The following TCTN3 variants were observed in gnomAD, a reference collection of about 807,000 sequenced individuals.
TCTN3 encodes tectonic family member 3, also known as tectonic-3.
Under a neutral mutation model 71.3 loss-of-function variants are expected in TCTN3, and 57 were observed. That is an observed-to-expected ratio of 0.80 (90% CI 0.65 to 1.00). The LOEUF (loss-of-function observed/expected upper bound fraction) is 1.00, where lower values mean the gene tolerates loss of function less well. TCTN3 is among the 50% of genes least tolerant of loss of function. The probability of loss-of-function intolerance (pLI) is 0.00; values close to 1 mark genes in which losing one functional copy is unlikely to be tolerated. For synonymous variants in TCTN3, 258 were observed against 267.8 expected (o/e 0.96, Z 0.36); for missense variants, 696 against 719.9 (o/e 0.97, Z 0.38).
chr10:95,688,397 G>GAAAAAAAAAAAAAAAA lies in TCTN3; in HGVS notation c.500-694_500-679dup, dbSNP rs60722894. Among the ~76,000 whole-genome samples, 518 of 104,478 alleles carry GAAAAAAAAAAAAAAAA rather than the reference G, an allele frequency of 5.0e-3. 2 individuals carry two copies. Among genetic ancestry groups the GAAAAAAAAAAAAAAAA allele is most frequent in the East Asian group, 7.3e-3 (25 of 3,418 alleles). The allele number at this position is 104,478 out of a possible 152,430, so 68.5% of individuals were successfully genotyped here. The stretch of plus-strand genomic sequence containing the variant: ...AAGAGCGAAACTCTGTCAAAAAAAA[G>GAAAAAAAAAAAAAAAA]AAAAAAAAAAAAAAAAAAAAAGAAA... On this transcript the variant is annotated intron_variant, in intron 3 of 13. Coordinates refer to ENST00000371217, the MANE Select transcript of TCTN3 (RefSeq NM_015631.6).
intron 11 of TCTN3, 109 bp from the exon 12 acceptor site, chr10:95,682,913 G>A: frequency 7.0e-7 from 1 of 1,421,140 alleles, no homozygotes; most frequent in Admixed American, 2.2e-5. Flanking sequence ...ATAGACCAGA[G>A]GGTATAATCC....
In TCTN3 at chr10:95,680,486, AC is replaced by A. The variant is rs2097941818; in HGVS notation, c.1575del (p.Gln525HisfsTer16). On this transcript the variant is annotated frameshift_variant, in exon 13 of 14. Transcript: ENST00000371217. LOFTEE classifies it high-confidence loss of function. ...CCATGACTTACCTGTATAGACTGGC[AC>A]TGGTATAGGAATCGAACTCCTGATA... ...AHVSGVRFLY[Q>X]CQSIQDSQQV... 6.2e-7 allele frequency: 1 copy of A among 1,613,892 alleles called. No individual in the cohort carries two copies. The highest frequency in any genetic ancestry group is 1.3e-5 in the African/African-American group (1 of 74,920).
rs1457348275 is a variant in TCTN3, at chr10:95,683,250, G to A, written c.1204-55C>T. The A allele has an allele frequency of 6.4e-6, 10 of 1,558,968 alleles. No homozygotes were observed. The East Asian group carries it at 2.2e-4, about 35-fold the overall frequency. On this transcript the variant is annotated intron_variant, in intron 10 of 13. Coordinates refer to ENST00000371217, the MANE Select transcript of TCTN3 (RefSeq NM_015631.6). ...TCATAACAGAAAAAAAAAGGAGGCA[G>A]CATTGCAAAATTTATGTTCTCATTC... is the stretch of plus-strand genomic sequence containing the variant.
chr10:95,685,510 GTTGA>G (rs1339987344), intron 8 of TCTN3, 42 bp downstream of exon 8: 4 of 1,462,486 alleles, frequency 2.7e-6, no homozygotes, highest in South Asian at 1.2e-5. Context: ...CTCTGGCAGT[GTTGA>G]TTAACACACA....
At chr10:95,668,770 C>T (rs1384750611) in intron 13 of TCTN3, among the ~76,000 whole-genome samples, 1 of 152,248 alleles carries the variant, frequency 6.6e-6, no homozygotes, top group African/African-American at 2.4e-5. Context: ...GATGGCAGTA[C>T]AAGAAAGTCC....
At chr10:95,670,002 T>C (rs2097929306) in intron 13 of TCTN3, among the ~76,000 whole-genome samples, 1 of 136,586 alleles carries the variant, frequency 7.3e-6, no homozygotes, top group South Asian at 2.3e-4. Flanking sequence ...GGGCGGAGCC[T>C]GCAGTGAGCC....
rs1251156561 is a variant in TCTN3 at position 95,686,497 on chromosome 10, C to G, written c.886G>C (p.Glu296Gln). The G allele has an allele frequency of 6.2e-7, 1 of 1,613,976 alleles. No homozygotes were observed. Among genetic ancestry groups the G allele is most frequent in the African/African-American group, 1.3e-5 (1 of 74,916 alleles). ...TTCCTGGTACAACAGCATCATACCTCCATATTCTGTGGATCAGTCATGCTT... is the reference window on the plus strand; with the variant it reads ...TTCCTGGTACAACAGCATCATACCTGCATATTCTGTGGATCAGTCATGCTT... ...PRSMTDPQNM[E>Q]FQVPVILTSQ... Residue 296 changes from glutamate to glutamine, a missense_variant and splice_region_variant, in exon 7 of 14, where the codon GAG becomes CAG. Glu to Gln is a conservative substitution (Grantham distance 29). Coordinates refer to ENST00000371217, the MANE Select transcript of TCTN3 (RefSeq NM_015631.6).
chr10:95,693,883 A>C lies in TCTN3; in HGVS notation c.17T>G (p.Leu6Arg). 1 of 1,551,622 alleles carries C rather than the reference A, an allele frequency of 6.4e-7. No homozygotes were observed. The highest frequency in any genetic ancestry group is 8.7e-7 in the Non-Finnish European group (1 of 1,146,962). Residue 6 changes from leucine (L) to arginine (R), a missense_variant, in exon 1 of 14, where the codon CTC becomes CGC. Physicochemically the swap from Leu to Arg is moderately radical, Grantham distance 102. Coordinates refer to ENST00000371217, the MANE Select transcript of TCTN3 (RefSeq NM_015631.6). ...CAGAAAGAACACTTGCAGGAGCGCGAGCTGTGGGGTGCGCATGGGGCATTC... is the reference window on the plus strand; with the variant it reads ...CAGAAAGAACACTTGCAGGAGCGCGCGCTGTGGGGTGCGCATGGGGCATTC... MRTPQ[L>R]ALLQVFFLVF...
intron 13 of TCTN3, among the ~76,000 whole-genome samples, chr10:95,678,526 A>G (rs1230332990): frequency 1.8e-5 from 2 of 112,136 alleles, no homozygotes; most frequent in East Asian, 5.0e-4. Context: ...AGAGTGAAAC[A>G]CTGTCTCAAA....
intron 3 of TCTN3, 25 bp downstream of exon 3, chr10:95,692,895 G>A (rs1240289951): frequency 4.5e-6 from 7 of 1,542,942 alleles, no homozygotes; most frequent in Non-Finnish European, 6.3e-6. Context: ...TAGAAAATGA[G>A]AACAACCAAC....
Position 95,693,917 on chromosome 10 carries a change from C to T in TCTN3, c.-18G>A, listed in dbSNP as rs2097956474. ...GTGCGCATGGGGCATTCAGGGCCTC[C>T]GGGTCCGACGTAGGCCTCCGCGGTC... is the stretch of plus-strand genomic sequence containing the variant. On this transcript the variant is annotated 5_prime_UTR_variant, in exon 1 of 14. Transcript: ENST00000371217. The T allele has an allele frequency of 1.3e-6, 2 of 1,551,514 alleles. No homozygotes were observed. Among genetic ancestry groups the T allele is most frequent in the East Asian group, 2.4e-5 (1 of 40,928 alleles).
At chr10:95,688,472 A>AT (rs1375028335) in intron 3 of TCTN3, among the ~76,000 whole-genome samples, 2 of 151,752 alleles carry the variant, frequency 1.3e-5, no homozygotes, top group African/African-American at 4.8e-5. Context: ...CCCATACCAG[A>AT]TGAGTCTCTA....
chr10:95,685,483 A>C (rs1281626607), intron 8 of TCTN3, 73 bp downstream of exon 8: 2 of 1,249,788 alleles, frequency 1.6e-6, no homozygotes, highest in Admixed American at 4.2e-5. Flanking sequence ...TCTGATACTT[A>C]ATGGAAGATG....
intron 3 of TCTN3, 86 bp from the exon 4 acceptor site, chr10:95,687,805 A>T: frequency 6.8e-7 from 1 of 1,467,656 alleles, no homozygotes; most frequent in East Asian, 2.4e-5. Context: ...TTATTGAAGC[A>T]TAATATACAG....
At chr10:95,693,068 T>C in intron 2 of TCTN3, 30 bp from the exon 3 acceptor site, 2 of 1,539,588 alleles carry the variant, frequency 1.3e-6, no homozygotes, top group East Asian at 4.7e-5. Flanking sequence ...AGAAGATATA[T>C]TTAGAAGGGG....
chr10:95,682,875 T>C (rs2097944450), intron 11 of TCTN3, 71 bp from the exon 12 acceptor site: 1 of 1,525,766 alleles, frequency 6.6e-7, no homozygotes, highest in Admixed American at 2.1e-5. Context: ...GTACGGTATG[T>C]TAAACCAAAC....
intron 13 of TCTN3, among the ~76,000 whole-genome samples, chr10:95,668,608 T>C (rs1161824105): frequency 6.6e-6 from 1 of 151,766 alleles, no homozygotes; most frequent in Non-Finnish European, 1.5e-5. Flanking sequence ...TTTCAGACAA[T>C]GTGAACTAAA....
intron 10 of TCTN3, 133 bp from the exon 11 acceptor site, chr10:95,683,328 T>A (rs904539435): frequency 6.7e-7 from 1 of 1,496,062 alleles, no homozygotes; most frequent in African/African-American, 1.4e-5. Flanking sequence ...AGTCACAAAT[T>A]TGTGATTTTT....
chr10:95,669,932 G>A (rs2097929236), intron 13 of TCTN3, among the ~76,000 whole-genome samples: 2 of 151,070 alleles, frequency 1.3e-5, no homozygotes, highest in South Asian at 4.2e-4. Flanking sequence ...GCGAGGTGGC[G>A]GGCGCCTGTA....
Sources: allele counts gnomAD v4.1 joint callset (sites outside exome capture counted in the v4.1 genomes callset), GRCh38; gene constraint gnomAD v4.1.1; transcripts MANE v1.5; gene names NCBI Gene and HGNC (gene_info 2026-07-23, HGNC 2026-07-21).